The following APP variants were observed in gnomAD, a reference collection of about 807,000 sequenced individuals.
The protein encoded by APP is amyloid-beta precursor protein.
APP carries 31 observed loss-of-function variants against 101.4 expected under a neutral mutation model. That is an observed-to-expected ratio of 0.31 (90% CI 0.23 to 0.41). The LOEUF is 0.41. Among genes scored for constraint, APP ranks in the 10% least tolerant of loss-of-function variants. The pLI, the probability that APP is intolerant of heterozygous loss-of-function variation, is 1.00. For missense variants in APP, 839 were observed against 1,003.7 expected, an observed-to-expected ratio of 0.84 and a Z score of 2.22; for synonymous variants, 366 against 364.4, an observed-to-expected ratio of 1.00 and a Z score of -0.05.
intron 1 of APP, among the ~76,000 whole-genome samples, chr21:26,161,847 A>G (rs2063497054): frequency 6.6e-6 from 1 of 152,198 alleles, no homozygotes; most frequent in Non-Finnish European, 1.5e-5. Flanking sequence ...TAGTCTCTGA[A>G]GACTTAAGCT....
In APP at chr21:25,978,877, G is replaced by C. The variant is rs186375270; in HGVS notation, c.1225-2849C>G. On this transcript the variant is annotated intron_variant, in intron 9 of 17. Coordinates refer to ENST00000346798, the MANE Select transcript of APP (RefSeq NM_000484.4). ...TGAGGCAGGAGAATCGCTTGAACCA[G>C]GGAGTTGGAGGTTGCAGTGAGTCTA... is the stretch of plus-strand genomic sequence containing the variant. Among the ~76,000 whole-genome samples the C allele has an allele frequency of 3.0e-3, 455 of 152,300 alleles. 8 individuals carry two copies. The highest frequency in any genetic ancestry group is 3.4e-3 in the Middle Eastern group (1 of 294).
At chr21:25,894,051 A>G (rs2037868302) in intron 16 of APP, among the ~76,000 whole-genome samples, 1 of 152,244 alleles carries the variant, frequency 6.6e-6, no homozygotes, top group South Asian at 2.1e-4. Context: ...CCCATGCTCT[A>G]TAAATGGAAC....
chr21:26,059,564 A>G (rs1167960713), intron 3 of APP, among the ~76,000 whole-genome samples: 1 of 152,110 alleles, frequency 6.6e-6, no homozygotes, highest in African/African-American at 2.4e-5. Flanking sequence ...CCTCAGAACC[A>G]CACCAAAGCA....
intron 6 of APP, among the ~76,000 whole-genome samples, chr21:26,001,089 G>A (rs2043274374): frequency 1.3e-5 from 2 of 151,986 alleles, no homozygotes; most frequent in African/African-American, 4.8e-5. Context: ...ATATTTACCT[G>A]ACCCTTGGGC....
At chr21:25,991,714 C>T (rs963689298) in intron 8 of APP, among the ~76,000 whole-genome samples, 2 of 152,200 alleles carry the variant, frequency 1.3e-5, no homozygotes, top group African/African-American at 4.8e-5. Flanking sequence ...TATCGGAACA[C>T]AGCCTTGTCT....
At chr21:25,900,726 G>A (rs559797411) in intron 15 of APP, among the ~76,000 whole-genome samples, 68 of 152,234 alleles carry the variant, frequency 4.5e-4, no homozygotes, top group African/African-American at 1.5e-3. Context: ...CTCTGGCCGG[G>A]CACAGTGGCT....
rs117166629 is a variant in APP, at chr21:25,989,133, C to A, written c.1091-6656G>T. ...AACATTTTCCATACCTGTGTTTCCT[C>A]TGAGAAAACTGTTAGCATTTGAAGG... is the stretch of plus-strand genomic sequence containing the variant. On this transcript the variant is annotated intron_variant, in intron 8 of 17. Transcript: ENST00000346798. Among the ~76,000 whole-genome samples the A allele has an allele frequency of 8.5e-3, 1,291 of 152,278 alleles. 11 individuals carry two copies. The highest frequency in any genetic ancestry group is 0.014 in the Non-Finnish European group (942 of 68,022).
intron 3 of APP, among the ~76,000 whole-genome samples, chr21:26,066,109 T>C (rs1050695553): frequency 6.6e-6 from 1 of 152,176 alleles, no homozygotes; most frequent in Non-Finnish European, 1.5e-5. Flanking sequence ...TCTCAAGCTT[T>C]ACAGTGCCTA....
At chr21:25,940,266 A>T (rs2040520645) in intron 13 of APP, among the ~76,000 whole-genome samples, 1 of 152,156 alleles carries the variant, frequency 6.6e-6, no homozygotes, top group Non-Finnish European at 1.5e-5. Context: ...TATTAGTAGT[A>T]GTAAGGGATA....
At chr21:25,933,666 C>G (rs2040240834) in intron 13 of APP, 1 of 152,126 alleles carries the variant, frequency 6.6e-6, no homozygotes. Context: ...TTTCATCTTC[C>G]AAGTGTGGTA....
chr21:26,165,396 T>C (rs979639425), intron 1 of APP, among the ~76,000 whole-genome samples: 10 of 152,238 alleles, frequency 6.6e-5, no homozygotes, highest in Non-Finnish European at 1.2e-4. Flanking sequence ...CATCCCATTT[T>C]ACAAAGGAAA....
intron 1 of APP, among the ~76,000 whole-genome samples, chr21:26,142,302 A>T (rs1269744874): frequency 6.6e-6 from 1 of 152,164 alleles, no homozygotes; most frequent in Non-Finnish European, 1.5e-5. Context: ...ACCACCACAC[A>T]GCCCTCACTC....
chr21:25,974,277 C>G (rs1247107385), intron 11 of APP, among the ~76,000 whole-genome samples: 2 of 152,164 alleles, frequency 1.3e-5, no homozygotes, highest in Non-Finnish European at 2.9e-5. Flanking sequence ...ATTATACTTA[C>G]ATGATGAGGG....
At chr21:26,110,237 G>A (rs1485476758) in intron 2 of APP, among the ~76,000 whole-genome samples, 1 of 152,162 alleles carries the variant, frequency 6.6e-6, no homozygotes, top group Non-Finnish European at 1.5e-5. Flanking sequence ...AATGTCAGTA[G>A]TTCAAGACCA....
At position 25,880,874 on chromosome 21, in the gene APP, C is replaced by T. The variant is rs528792746; in HGVS notation, c.*796G>A. 20 of 152,832 alleles carry T rather than the reference C, an allele frequency of 1.3e-4. No individual in the cohort carries two copies. Among genetic ancestry groups the T allele is most frequent in the Admixed American group, 1.0e-3 (16 of 15,296 alleles). The allele number at this position is 152,832 out of a possible 1,614,324, so 9.5% of individuals were successfully genotyped here. A position where few individuals can be genotyped will look rare whatever the true frequency, so the allele number is the denominator to read the frequency against. ...TCATGTCATAAGCAATGATTCTGTACAATCATCCTGCAGAAAATTGTTTTG... is the reference window on the plus strand; with the variant it reads ...TCATGTCATAAGCAATGATTCTGTATAATCATCCTGCAGAAAATTGTTTTG... On this transcript the variant is annotated 3_prime_UTR_variant, in exon 18 of 18. Coordinates refer to ENST00000346798, the MANE Select transcript of APP (RefSeq NM_000484.4).
intron 13 of APP, among the ~76,000 whole-genome samples, chr21:25,931,020 C>G (rs529631688): frequency 6.6e-6 from 1 of 152,304 alleles, no homozygotes; most frequent in Non-Finnish European, 1.5e-5. Context: ...GAAAATCAAA[C>G]CACTTTATCA....
chr21:26,033,809 A>C (rs1219855217), intron 5 of APP, among the ~76,000 whole-genome samples: 1 of 152,172 alleles, frequency 6.6e-6, no homozygotes, highest in Non-Finnish European at 1.5e-5. Flanking sequence ...AACAGCACAG[A>C]ACTGGTGACT....
chr21:26,107,726 G>T (rs968022493), intron 2 of APP, among the ~76,000 whole-genome samples: 1 of 152,128 alleles, frequency 6.6e-6, no homozygotes, highest in East Asian at 1.9e-4. Flanking sequence ...CTGACCCTTT[G>T]TGACCCTTTG....
intron 1 of APP, among the ~76,000 whole-genome samples, chr21:26,131,591 T>C (rs2062798236): frequency 6.6e-6 from 1 of 152,192 alleles, no homozygotes; most frequent in Non-Finnish European, 1.5e-5. Context: ...AATTTAAGCA[T>C]TGATAGCCAA....
Sources: gnomAD v4.1 joint callset for allele counts (sites outside exome capture counted in the v4.1 genomes callset) on GRCh38, gnomAD v4.1.1 for gene constraint, MANE v1.5 for transcripts, NCBI Gene and HGNC (gene_info 2026-07-23, HGNC 2026-07-21) for gene names.